SULF1: variants seen among roughly 807,000 people sequenced by gnomAD.
The protein encoded by SULF1 is sulfatase 1.
A neutral mutation model predicts 110.5 loss-of-function variants in SULF1; 46 were observed. The ratio of observed to expected loss-of-function variants is 0.42; its 90% CI spans 0.33 to 0.53. The LOEUF is 0.53. Ranked by LOEUF, SULF1 falls within the 20% of genes least tolerant of loss-of-function variation. The pLI, the probability that SULF1 is intolerant of heterozygous loss-of-function variation, is 0.12. For missense variants in SULF1, 941 were observed against 1,094.2 expected (o/e 0.86, Z 1.98); for synonymous variants, 371 against 387.1 (o/e 0.96, Z 0.49).
intron 2 of SULF1, among the ~76,000 whole-genome samples, chr8:69,501,305 T>C (rs762926963): frequency 6.6e-6 from 1 of 152,194 alleles, no homozygotes; most frequent in Non-Finnish European, 1.5e-5. Flanking sequence ...CTTCATTTGA[T>C]ACTTAAAACA....
chr8:69,604,634 A>G lies in SULF1; in HGVS notation c.1248-169A>G, dbSNP rs1244893115. Reference sequence around the variant, plus strand: ...ATCCTACCCAGTTTGTCATTTTCATAAAGGACCCATCAAATGTTGAACTCC... The same window carrying G: ...ATCCTACCCAGTTTGTCATTTTCATGAAGGACCCATCAAATGTTGAACTCC... On this transcript the variant is annotated intron_variant, in intron 12 of 22. Coordinates refer to ENST00000402687, the MANE Select transcript of SULF1 (RefSeq NM_001128205.2). 2.6e-5 allele frequency among the ~76,000 whole-genome samples: 4 copies of G among 152,142 alleles called. No individual in the cohort carries two copies. In the East Asian group the frequency reaches 7.7e-4, roughly 29 times the overall value.
At chr8:69,535,078 A>C (rs1343042612) in intron 3 of SULF1, among the ~76,000 whole-genome samples, 1 of 152,242 alleles carries the variant, frequency 6.6e-6, no homozygotes, top group African/African-American at 2.4e-5. Flanking sequence ...CACAAATGAT[A>C]ATTCCAGAGA....
chr8:69,648,178 G>C (rs1017374066), intron 22 of SULF1, among the ~76,000 whole-genome samples: 5 of 151,082 alleles, frequency 3.3e-5, no homozygotes, highest in African/African-American at 1.2e-4. Context: ...AAACATGGAA[G>C]GGCTTAGGAG....
chr8:69,505,707 T>C (rs1811137787), intron 3 of SULF1, among the ~76,000 whole-genome samples: 1 of 152,148 alleles, frequency 6.6e-6, no homozygotes, highest in African/African-American at 2.4e-5. Flanking sequence ...AAGACAATGA[T>C]AATTTGTCTT....
chr8:69,558,074 T>C (rs952880191), intron 3 of SULF1, among the ~76,000 whole-genome samples: 1 of 152,216 alleles, frequency 6.6e-6, no homozygotes, highest in Non-Finnish European at 1.5e-5. Flanking sequence ...AATTAGCTTT[T>C]TCGTGGATTC....
intron 5 of SULF1, among the ~76,000 whole-genome samples, chr8:69,573,032 G>C (rs1026578113): frequency 6.6e-6 from 1 of 152,244 alleles, no homozygotes. Flanking sequence ...TTACCATGTC[G>C]GCCAGACTGG....
In SULF1 at chr8:69,600,655, T is replaced by C; in HGVS notation, c.787T>C (p.Tyr263His). Residue 263 changes from tyrosine to histidine, a missense_variant, in exon 9 of 23, where the codon TAC becomes CAC. Around this residue, in one of 3 missense-constraint regions of SULF1, gnomAD observed 822 missense variants for 934.3 expected, o/e 0.88. Coordinates refer to ENST00000402687, the MANE Select transcript of SULF1 (RefSeq NM_001128205.2). The stretch of plus-strand genomic sequence containing the variant: ...TATGGATAAACACTGGATTATGCAG[T>C]ACACAGGACCAATGCTGCCCATCCA... ...PNMDKHWIMQ[Y>H]TGPMLPIHME... The C allele has an allele frequency of 6.2e-7, 1 of 1,614,080 alleles. No individual in the cohort carries two copies. The highest frequency in any genetic ancestry group is 8.5e-7 in the Non-Finnish European group (1 of 1,179,944).
chr8:69,526,599 CAAAAA>C (rs3059929), intron 3 of SULF1, among the ~76,000 whole-genome samples: 3 of 136,616 alleles, frequency 2.2e-5, no homozygotes, highest in Non-Finnish European at 3.1e-5. Context: ...GTATCTCTAC[CAAAAA>C]AAAAAAAAAA....
rs548711093 is a variant in SULF1, at chr8:69,565,920, A to G, written c.172+1773A>G. 3.3e-5 allele frequency among the ~76,000 whole-genome samples: 5 copies of G among 151,556 alleles called. No homozygotes were observed. The East Asian group carries it at 7.8e-4, about 24-fold the overall frequency. On this transcript the variant is annotated intron_variant, in intron 5 of 22. Transcript: ENST00000402687. ...CTCTATCCATGCCTTTGCACATCTC[A>G]TCCCCTCTGCCTTTTCCTCTTTCCC...
At chr8:69,558,046 G>T (rs1310728093) in intron 3 of SULF1, among the ~76,000 whole-genome samples, 5 of 152,144 alleles carry the variant, frequency 3.3e-5, no homozygotes, top group Admixed American at 6.5e-5. Flanking sequence ...TGCCAGCTGT[G>T]GGGTTGTTAA....
chr8:69,629,398 C>T, intron 18 of SULF1, 106 bp from the exon 19 acceptor site: 2 of 1,200,202 alleles, frequency 1.7e-6, no homozygotes, highest in Middle Eastern at 2.0e-4. Context: ...TCCATTATCT[C>T]TTATCAAGGC....
At chr8:69,590,282 C>T (rs753823242) in intron 8 of SULF1, among the ~76,000 whole-genome samples, 3 of 152,120 alleles carry the variant, frequency 2.0e-5, no homozygotes, top group African/African-American at 7.2e-5. Context: ...CCACCTCAGG[C>T]TTCTGAGGAG....
Position 69,658,774 on chromosome 8 carries a change from G to C in SULF1, c.*239G>C, listed in dbSNP as rs910484995. On this transcript the variant is annotated 3_prime_UTR_variant, in exon 23 of 23. Transcript: ENST00000402687. Reference sequence around the variant, plus strand: ...CTTGGTTGTCTCTGCTGAGCACGCTGTGTCAATGGAGATGGCCTCTGCTGA... The same window carrying C: ...CTTGGTTGTCTCTGCTGAGCACGCTCTGTCAATGGAGATGGCCTCTGCTGA... 3 of 648,662 alleles carry C rather than the reference G, an allele frequency of 4.6e-6. No homozygotes were observed. The highest frequency in any genetic ancestry group is 5.7e-6 in the Non-Finnish European group (2 of 350,506). The allele number at this position is 648,662 out of a possible 1,614,324, so 40.2% of individuals were successfully genotyped here. A position where few individuals can be genotyped will look rare whatever the true frequency, so the allele number is the denominator to read the frequency against.
Position 69,589,028 on chromosome 8 carries a change from G to C in SULF1, c.621G>C (p.Lys207Asn), listed in dbSNP as rs1207558848. The C allele has an allele frequency of 1.2e-6, 2 of 1,614,046 alleles. No homozygotes were observed. The highest frequency in any genetic ancestry group is 4.5e-5 in the East Asian group (2 of 44,900). Residue 207 changes from lysine (K) to asparagine (N), a missense_variant, in exon 8 of 23, where the codon AAG (lysine) becomes AAC (asparagine). By Grantham distance (94) the Lys-to-Asn change is moderately conservative. Coordinates refer to ENST00000402687, the MANE Select transcript of SULF1 (RefSeq NM_001128205.2). ...NESINYFKMS[K>N]RMYPHRPVMM... is the part of the protein sequence containing the mutation. ...GCATTAATTACTTCAAAATGTCTAA[G>C]AGAATGTATCCCCATAGGCCCGTTA...
At chr8:69,488,589 G>A (rs541913816), upstream of SULF1, among the ~76,000 whole-genome samples, 36 of 151,878 alleles carry the variant, frequency 2.4e-4, no homozygotes, top group East Asian at 5.0e-3. Flanking sequence ...ACTAGTTCTC[G>A]GTGAAAATTC....
intron 8 of SULF1, among the ~76,000 whole-genome samples, chr8:69,596,667 G>A (rs1807358276): frequency 6.6e-6 from 1 of 152,184 alleles, no homozygotes; most frequent in African/African-American, 2.4e-5. Context: ...GGCCAGTGTG[G>A]TGTTGTAGGA....
At chr8:69,549,423 T>C (rs1046728854) in intron 3 of SULF1, among the ~76,000 whole-genome samples, 7 of 152,196 alleles carry the variant, frequency 4.6e-5, no homozygotes, top group Non-Finnish European at 8.8e-5. Flanking sequence ...TTACTGTGAA[T>C]AGCCTCAGTT....
chr8:69,613,632 C>T (rs1248491003), intron 13 of SULF1, among the ~76,000 whole-genome samples: 3 of 152,104 alleles, frequency 2.0e-5, no homozygotes, highest in African/African-American at 7.2e-5. Context: ...ACCAAAGTCA[C>T]ACAGCTAGAA....
chr8:69,623,424 G>T (rs1237305529), intron 14 of SULF1, among the ~76,000 whole-genome samples: 1 of 152,130 alleles, frequency 6.6e-6, no homozygotes, highest in Non-Finnish European at 1.5e-5. Context: ...TTGACAATCT[G>T]ATGTTTTTGT....
Sources: gnomAD v4.1 joint callset for allele counts (sites outside exome capture counted in the v4.1 genomes callset) on GRCh38, gnomAD v4.1.1 for gene constraint, gnomAD v4.1.1 regional missense constraint, MANE v1.5 for transcripts, NCBI Gene and HGNC (gene_info 2026-07-23, HGNC 2026-07-21) for gene names.